The following ARHGAP29 variants were observed in gnomAD, a reference collection of about 807,000 sequenced individuals.
ARHGAP29 encodes Rho GTPase activating protein 29.
In ARHGAP29, 43 loss-of-function variants were observed where a neutral mutation model predicts 122.6. The ratio of observed to expected loss-of-function variants is 0.35; its 90% CI spans 0.27 to 0.45. The LOEUF (loss-of-function observed/expected upper bound fraction) is 0.45, where lower values mean the gene tolerates loss of function less well. ARHGAP29 is among the 20% of genes least tolerant of loss of function. The pLI, the probability that ARHGAP29 is intolerant of heterozygous loss-of-function variation, is 1.00. For synonymous variants in ARHGAP29, 506 were observed against 497.1 expected (o/e 1.02, Z -0.24); for missense variants, 1,303 against 1,477.2 (o/e 0.88, Z 1.93).
At chr1:94,282,977 C>G in the ARHGAP29 span, among the ~76,000 whole-genome samples, 1 of 152,190 alleles carries the variant, frequency 6.6e-6, no homozygotes, top group Non-Finnish European at 1.5e-5. Context: ...CCCTCCTACT[C>G]TCTCTTGAGA....
the ARHGAP29 span, among the ~76,000 whole-genome samples, chr1:94,295,469 C>A: frequency 0.013 from 1,983 of 151,946 alleles, 19 homozygotes; most frequent in South Asian, 0.024. Context: ...TGTACTCAGA[C>A]ATTGTACAAT....
chr1:94,209,904 T>G (rs887627999), intron 3 of ARHGAP29, among the ~76,000 whole-genome samples: 2 of 152,156 alleles, frequency 1.3e-5, no homozygotes, highest in Admixed American at 1.3e-4. Context: ...AAAATTAAAA[T>G]TCCTATTTAC....
the ARHGAP29 span, among the ~76,000 whole-genome samples, chr1:94,304,234 G>C: frequency 6.6e-6 from 1 of 152,216 alleles, no homozygotes; most frequent in African/African-American, 2.4e-5. Flanking sequence ...CCACTTCCCA[G>C]GCTAAAGCTA....
At chr1:94,242,278 T>TG (rs1653620389), upstream of ARHGAP29, among the ~76,000 whole-genome samples, 1 of 152,106 alleles carries the variant, frequency 6.6e-6, no homozygotes, top group Non-Finnish European at 1.5e-5. Context: ...CCCCAGGGCA[T>TG]GCCTCATAGT....
At chr1:94,294,289 T>C in the ARHGAP29 span, among the ~76,000 whole-genome samples, 1 of 151,832 alleles carries the variant, frequency 6.6e-6, no homozygotes, top group East Asian at 1.9e-4. Context: ...CACACGCGCA[T>C]ATATTTACAA....
In ARHGAP29 at chr1:94,223,235, C is replaced by T. The variant is rs147967858; in HGVS notation, c.206-2843G>A. Among the ~76,000 whole-genome samples the T allele has an allele frequency of 5.2e-3, 791 of 152,244 alleles. 11 individuals are homozygous for T. Among genetic ancestry groups the T allele is most frequent in the African/African-American group, 0.017 (719 of 41,556 alleles). On this transcript the variant is annotated intron_variant, in intron 2 of 22. Coordinates refer to ENST00000260526, the MANE Select transcript of ARHGAP29 (RefSeq NM_004815.4). ...CTGGGATTACAGGCGTGAGCCACCGCCCCTGGCCTATTTTATCTTTTTTAT... is the reference window on the plus strand; with the variant it reads ...CTGGGATTACAGGCGTGAGCCACCGTCCCTGGCCTATTTTATCTTTTTTAT...
At chr1:94,312,527 G>A in the ARHGAP29 span, among the ~76,000 whole-genome samples, 1 of 151,146 alleles carries the variant, frequency 6.6e-6, no homozygotes, top group Non-Finnish European at 1.5e-5. Context: ...TGCCTCCCAG[G>A]TTTAAGTGAT....
Position 94,235,501 on chromosome 1 carries a change from GT to G in ARHGAP29, c.-33+1913del, listed in dbSNP as rs888308097. On this transcript the variant is annotated intron_variant, in intron 1 of 22. Coordinates refer to ENST00000260526, the MANE Select transcript of ARHGAP29 (RefSeq NM_004815.4). ...TAGCAGTGCTTTATTGTGGGAAATT[GT>G]TTTTGAACAAGATGTGGCTTCACTA... is the stretch of plus-strand genomic sequence containing the variant. Among the ~76,000 whole-genome samples the G allele has an allele frequency of 2.0e-4, 31 of 152,268 alleles. 1 individual carries two copies. Among genetic ancestry groups the G allele is most frequent in the African/African-American group, 7.0e-4 (29 of 41,544 alleles).
intron 1 of ARHGAP29, among the ~76,000 whole-genome samples, chr1:94,257,455 C>T (rs1654403613): frequency 6.6e-6 from 1 of 152,188 alleles, no homozygotes; most frequent in East Asian, 1.9e-4. Context: ...TGCCTGTAAT[C>T]TCAGCACTTT....
At chr1:94,252,889 A>G (rs1480456877) in intron 1 of ARHGAP29, among the ~76,000 whole-genome samples, 1 of 152,222 alleles carries the variant, frequency 6.6e-6, no homozygotes, top group Non-Finnish European at 1.5e-5. Flanking sequence ...TACCTGTAAG[A>G]TAACAAAATG....
At chr1:94,303,505 AC>A in the ARHGAP29 span, among the ~76,000 whole-genome samples, 1 of 152,292 alleles carries the variant, frequency 6.6e-6, no homozygotes, top group Admixed American at 6.5e-5. Flanking sequence ...TGGTTGCACA[AC>A]AGTGTGAATA....
At chr1:94,205,336 TA>T (rs1651124211) in intron 6 of ARHGAP29, 138 bp from the exon 7 acceptor site, 1 of 692,938 alleles carries the variant, frequency 1.4e-6, no homozygotes, top group Non-Finnish European at 2.2e-6. Context: ...AATTTACAAT[TA>T]AAAGGCCAGA....
At chr1:94,311,153 G>T in the ARHGAP29 span, among the ~76,000 whole-genome samples, 1 of 152,202 alleles carries the variant, frequency 6.6e-6, no homozygotes, top group Non-Finnish European at 1.5e-5. Flanking sequence ...CTCTTGGAGA[G>T]GTCTGGGAGG....
chr1:94,207,066 C>T lies in ARHGAP29; in HGVS notation c.511-1383G>A, dbSNP rs368012782. ...CTCTGTCACCCAGGCTGGAGTGCAG[C>T]GCCACGATCTTGGCTCACTGCAACC... On this transcript the variant is annotated intron_variant, in intron 5 of 22. Transcript: ENST00000260526. Among the ~76,000 whole-genome samples the T allele has an allele frequency of 8.0e-5, 12 of 149,334 alleles. No individual in the cohort carries two copies. In the East Asian group the frequency reaches 1.6e-3, roughly 20 times the overall value.
At chr1:94,299,538 A>G in the ARHGAP29 span, among the ~76,000 whole-genome samples, 2 of 152,224 alleles carry the variant, frequency 1.3e-5, no homozygotes, top group Non-Finnish European at 2.9e-5. Flanking sequence ...TATCAAGGAC[A>G]GTAAAAACAG....
the ARHGAP29 span, chr1:94,302,820 G>T: frequency 4.1e-6 from 1 of 242,602 alleles, no homozygotes; most frequent in Non-Finnish European, 8.2e-6. Flanking sequence ...GCATCGGAGG[G>T]GGCCATCGGG....
Position 94,236,559 on chromosome 1 carries a change from A to T in ARHGAP29, c.-33+856T>A, listed in dbSNP as rs1653276404. On this transcript the variant is annotated intron_variant, in intron 1 of 22. Transcript: ENST00000260526. ...TTAGCAGGTAATATCCTGCCCTCCGAAAACATTTGGGGCCAATACCCTCTG... is the reference window on the plus strand; with the variant it reads ...TTAGCAGGTAATATCCTGCCCTCCGTAAACATTTGGGGCCAATACCCTCTG... 2.0e-5 allele frequency among the ~76,000 whole-genome samples: 3 copies of T among 152,204 alleles called. 1 individual carries two copies. In the South Asian group the frequency reaches 6.2e-4, roughly 32 times the overall value.
the ARHGAP29 span, among the ~76,000 whole-genome samples, chr1:94,299,276 T>C: frequency 6.6e-6 from 1 of 152,240 alleles, no homozygotes; most frequent in East Asian, 1.9e-4. Flanking sequence ...ATTCCAATCT[T>C]GAATTTAGAG....
At chr1:94,177,749 G>A (rs1477781530) in intron 21 of ARHGAP29, 29 bp from the exon 22 acceptor site, 1 of 1,590,440 alleles carries the variant, frequency 6.3e-7, no homozygotes, top group South Asian at 1.1e-5. Flanking sequence ...TTTTAAAATG[G>A]AAGAAGTAAA....
Sources: gnomAD v4.1 joint callset for allele counts (sites outside exome capture counted in the v4.1 genomes callset) on GRCh38, gnomAD v4.1.1 for gene constraint, MANE v1.5 for transcripts, NCBI Gene and HGNC (gene_info 2026-07-23, HGNC 2026-07-21) for gene names.